Variants in MKRN1 observed in about 807,000 individuals in gnomAD.
The protein encoded by MKRN1 is E3 ubiquitin-protein ligase makorin-1.
In MKRN1, 9 loss-of-function variants were observed where a neutral mutation model predicts 55.5. The ratio of observed to expected loss-of-function variants is 0.16; its 90% confidence interval spans 0.10 to 0.28. The LOEUF is 0.28. Ranked by LOEUF, MKRN1 falls within the 10% of genes least tolerant of loss-of-function variation. MKRN1 has a pLI of 1.00. For missense variants in MKRN1, 488 were observed against 626.7 expected, an observed-to-expected ratio of 0.78 and a Z score of 2.36; for synonymous variants, 253 against 235.9, an observed-to-expected ratio of 1.07 and a Z score of -0.66.
chr7:140,475,080 G>A, intron 1 of MKRN1: 1 of 279,182 alleles, frequency 3.6e-6, no homozygotes, highest in Non-Finnish European at 7.1e-6. Context: ...GGGGGCTCAT[G>A]CCTGTAATCC....
rs867990833 is a variant in MKRN1 at position 140,470,055 on chromosome 7, A to T, written c.314+1828T>A. Among the ~76,000 whole-genome samples, 4 of 132,502 alleles carry T rather than the reference A, an allele frequency of 3.0e-5. 1 individual carries two copies. Among genetic ancestry groups the T allele is most frequent in the African/African-American group, 1.6e-4 (4 of 25,746 alleles). The allele number at this position is 132,502 out of a possible 152,430, so 86.9% of individuals were successfully genotyped here. On this transcript the variant is annotated intron_variant, in intron 2 of 7. Transcript: ENST00000255977. ...GAGCTAGGCTCTGTCTCAAAAAAAA[A>T]AAAAAAAAAAAAAAAATTAGCCAGG...
intron 5 of MKRN1, chr7:140,456,352 GAGCTAGATC>G: frequency 5.5e-6 from 7 of 1,267,348 alleles, no homozygotes; most frequent in Non-Finnish European, 7.0e-6. Flanking sequence ...CATACATTCA[GAGCTAGATC>G]AGTTTGTTCA....
intron 2 of MKRN1, among the ~76,000 whole-genome samples, chr7:140,463,703 G>A (rs1160889795): frequency 1.3e-5 from 2 of 152,128 alleles, no homozygotes; most frequent in East Asian, 3.9e-4. Flanking sequence ...GGCTAACACG[G>A]TGAAACCTCG....
chr7:140,474,151 C>G (rs1795046633), intron 1 of MKRN1, among the ~76,000 whole-genome samples: 1 of 151,496 alleles, frequency 6.6e-6, no homozygotes, highest in African/African-American at 2.4e-5. Flanking sequence ...CACCTGAGGT[C>G]AGGTGTTCAA....
chr7:140,471,461 T>C (rs942087962), intron 2 of MKRN1, among the ~76,000 whole-genome samples: 4 of 152,120 alleles, frequency 2.6e-5, no homozygotes, highest in Admixed American at 6.6e-5. Flanking sequence ...ACTAGGAGGA[T>C]AGAAAAGCCC....
intron 3 of MKRN1, 37 bp downstream of exon 3, chr7:140,459,670 G>GC (rs750032927): frequency 1.3e-6 from 2 of 1,577,142 alleles, no homozygotes; most frequent in East Asian, 4.5e-5. Context: ...CTGCTATCCA[G>GC]CCCTCTAACT....
In MKRN1 at chr7:140,454,685, C is replaced by T. The variant is rs150349834; in HGVS notation, c.1281G>A (p.Glu427=). The part of the protein sequence containing the change: ...NHFWELIEER[E]NSNPFDNDEE... ...CATCGTTGTCAAAGGGGTTGCTGTT[C>T]TCTCTTTCCTCAATGAGTTCCCAGA... Residue 427 remains glutamate (E), a synonymous_variant, in exon 8 of 8, where the codon GAG becomes GAA. Coordinates refer to ENST00000255977, the MANE Select transcript of MKRN1 (RefSeq NM_013446.4). 1.9e-6 allele frequency: 3 copies of T among 1,613,876 alleles called. No homozygotes were observed. The African/African-American group carries it at 4.0e-5, about 22-fold the overall frequency.
chr7:140,468,438 C>T (rs867721146), intron 2 of MKRN1, among the ~76,000 whole-genome samples: 19 of 145,452 alleles, frequency 1.3e-4, no homozygotes, highest in Middle Eastern at 4.3e-3. Flanking sequence ...CGGTGGCTCA[C>T]GCCTGTAATC....
At chr7:140,471,748 G>T in intron 2 of MKRN1, 135 bp downstream of exon 2, 1 of 1,236,538 alleles carries the variant, frequency 8.1e-7, no homozygotes, top group Non-Finnish European at 1.1e-6. Context: ...GGGATTATAG[G>T]CATGAGCCAC....
intron 2 of MKRN1, among the ~76,000 whole-genome samples, chr7:140,470,046 CAAAAAAAAAAA>C (rs35753653): frequency 1.4e-4 from 7 of 51,102 alleles, no homozygotes; most frequent in Admixed American, 4.8e-4. Context: ...GGCTCTGTCT[CAAAAAAAAAAA>C]AAAAAAAAAA....
intron 7 of MKRN1, among the ~76,000 whole-genome samples, 173 bp downstream of exon 7, chr7:140,454,922 T>C (rs1229959255): frequency 2.0e-5 from 3 of 152,172 alleles, no homozygotes; most frequent in African/African-American, 7.2e-5. Context: ...AACACACATT[T>C]TTTCTTCCTT....
At position 140,459,322 on chromosome 7, in the gene MKRN1, TAAAA is replaced by T. The variant is rs1205707726; in HGVS notation, c.545-93_545-90del. The T allele has an allele frequency of 3.0e-6, 4 of 1,318,144 alleles. No individual in the cohort carries two copies. The African/African-American group carries it at 5.8e-5, about 19-fold the overall frequency. 81.7% of individuals were successfully genotyped at this position (1,318,144 alleles called of 1,614,324 possible). A position where few individuals can be genotyped will look rare whatever the true frequency, so the allele number is the denominator to read the frequency against. ...AGAATCTAACCGCAAAAAATGAAAA[TAAAA>T]CTGCAATGAAATACCAAAACAGTCT... On this transcript the variant is annotated intron_variant, in intron 3 of 7. Transcript: ENST00000255977.
chr7:140,455,511 G>C (rs889731310), intron 6 of MKRN1: 31 of 562,586 alleles, frequency 5.5e-5, no homozygotes, highest in Non-Finnish European at 8.8e-5. Context: ...ACATAGGACA[G>C]CTATGACACG....
chr7:140,476,026 T>C (rs892823416), intron 1 of MKRN1, among the ~76,000 whole-genome samples: 1 of 152,032 alleles, frequency 6.6e-6, no homozygotes, highest in Non-Finnish European at 1.5e-5. Context: ...ATGTAACCAG[T>C]AGGAAAATAC....
chr7:140,469,323 CA>C (rs759021807), intron 2 of MKRN1, among the ~76,000 whole-genome samples: 245 of 126,754 alleles, frequency 1.9e-3, no homozygotes, highest in Middle Eastern at 4.0e-3. Flanking sequence ...GACTCCATCT[CA>C]AAAAAAAAAA....
intron 1 of MKRN1, among the ~76,000 whole-genome samples, chr7:140,476,998 T>C (rs866132289): frequency 5.6e-4 from 84 of 150,456 alleles, no homozygotes; most frequent in African/African-American, 1.7e-3. Context: ...TGCCAGAGAC[T>C]GAGGCAGGAG....
At chr7:140,469,615 T>C (rs535546147) in intron 2 of MKRN1, among the ~76,000 whole-genome samples, 2 of 151,764 alleles carry the variant, frequency 1.3e-5, no homozygotes, top group Non-Finnish European at 2.9e-5. Context: ...AGTATCCCTA[T>C]GAAAAGGCCC....
intron 2 of MKRN1, among the ~76,000 whole-genome samples, chr7:140,465,337 A>G (rs1257184164): frequency 2.6e-5 from 4 of 152,038 alleles, no homozygotes; most frequent in Non-Finnish European, 5.9e-5. Flanking sequence ...TGTCTCTACT[A>G]AAAATAACAA....
At position 140,463,298 on chromosome 7, in the gene MKRN1, T is replaced by C. The variant is rs1398369981; in HGVS notation, c.315-3362A>G. Reference sequence around the variant, plus strand: ...TCATGAACTGTGGGGAAGTATTCTATCATTTTAGAGATGACCTCACTGTCC... The same window carrying C: ...TCATGAACTGTGGGGAAGTATTCTACCATTTTAGAGATGACCTCACTGTCC... On this transcript the variant is annotated intron_variant, in intron 2 of 7. Transcript: ENST00000255977. 2.6e-5 allele frequency among the ~76,000 whole-genome samples: 4 copies of C among 152,218 alleles called. No homozygotes were observed. The East Asian group carries it at 7.7e-4, about 29-fold the overall frequency.
Sources: allele counts gnomAD v4.1 joint callset (sites outside exome capture counted in the v4.1 genomes callset), GRCh38; gene constraint gnomAD v4.1.1; transcripts MANE v1.5; gene names NCBI Gene and HGNC (gene_info 2026-07-23, HGNC 2026-07-21).